Variants in MLLT3 observed in about 807,000 individuals in gnomAD.
MLLT3 encodes the protein MLLT3 super elongation complex subunit.
Under a neutral mutation model 53.2 loss-of-function variants are expected in MLLT3, and 4 were observed. The ratio of observed to expected loss-of-function variants is 0.08; its 90% confidence interval spans 0.04 to 0.17. MLLT3 has a LOEUF of 0.17. MLLT3 is among the 10% of genes least tolerant of loss of function. The pLI is 1.00. For missense variants in MLLT3, 569 were observed against 684.0 expected (o/e 0.83, Z 1.87); for synonymous variants, 283 against 230.6 (o/e 1.23, Z -2.06).
chr9:20,607,604 A>G (rs138705729), intron 2 of MLLT3, among the ~76,000 whole-genome samples: 13 of 152,120 alleles, frequency 8.5e-5, no homozygotes, highest in African/African-American at 2.9e-4. Flanking sequence ...TATTTCACAA[A>G]CATTCTAAGG....
intron 2 of MLLT3, among the ~76,000 whole-genome samples, chr9:20,527,155 C>T (rs1017683565): frequency 6.6e-6 from 1 of 151,724 alleles, no homozygotes; most frequent in East Asian, 1.9e-4. Context: ...TCTAGGAACA[C>T]AGAACAAGGA....
chr9:20,553,318 TA>T (rs1318829712), intron 2 of MLLT3, among the ~76,000 whole-genome samples: 1 of 152,198 alleles, frequency 6.6e-6, no homozygotes, highest in Non-Finnish European at 1.5e-5. Context: ...TAGAAGAGCT[TA>T]TATGCATATC....
chr9:20,567,811 G>C (rs1304898670), intron 2 of MLLT3, among the ~76,000 whole-genome samples: 1 of 152,112 alleles, frequency 6.6e-6, no homozygotes, highest in Non-Finnish European at 1.5e-5. Context: ...CTAACACTTG[G>C]CTTCTAACCC....
Position 20,345,135 on chromosome 9 carries a change from TACA to T in MLLT3, c.*1305_*1307del, listed in dbSNP as rs1438844002. 2 of 223,282 alleles carry T rather than the reference TACA, an allele frequency of 9.0e-6. No individual in the cohort carries two copies. The highest frequency in any genetic ancestry group is 2.2e-5 in the African/African-American group (1 of 44,796). 13.8% of individuals were successfully genotyped at this position (223,282 alleles called of 1,614,324 possible). A position where few individuals can be genotyped will look rare whatever the true frequency, so the allele number is the denominator to read the frequency against. On this transcript the variant is annotated 3_prime_UTR_variant, in exon 11 of 11. Transcript: ENST00000380338. ...CAGATTTCTAGTTTCAAAACAAGGG[TACA>T]ACAAGAACAAAAAAATCCCCCCATC...
At chr9:20,392,928 G>C (rs1822223534) in intron 5 of MLLT3, among the ~76,000 whole-genome samples, 2 of 152,098 alleles carry the variant, frequency 1.3e-5, no homozygotes, top group Admixed American at 6.6e-5. Flanking sequence ...GGCCAAAGCG[G>C]GTGGATCACC....
intron 2 of MLLT3, among the ~76,000 whole-genome samples, chr9:20,535,033 G>C (rs1237551456): frequency 2.0e-5 from 3 of 152,156 alleles, no homozygotes; most frequent in Non-Finnish European, 2.9e-5. Flanking sequence ...TTTTATAGCA[G>C]GGGTCCCCAA....
At chr9:20,461,197 A>G (rs530438358) in intron 2 of MLLT3, among the ~76,000 whole-genome samples, 1 of 152,346 alleles carries the variant, frequency 6.6e-6, no homozygotes, top group South Asian at 2.1e-4. Flanking sequence ...TTGTTTAAAA[A>G]GAAGTGTAAT....
At chr9:20,478,682 T>G (rs115381151) in intron 2 of MLLT3, among the ~76,000 whole-genome samples, 2,419 of 152,286 alleles carry the variant, frequency 0.016, 65 homozygotes, top group African/African-American at 0.055. Flanking sequence ...ATGACCTGGT[T>G]TAAATTCTAA....
intron 2 of MLLT3, among the ~76,000 whole-genome samples, chr9:20,602,232 CT>C (rs1464852433): frequency 1.3e-5 from 2 of 152,128 alleles, no homozygotes; most frequent in African/African-American, 4.8e-5. Context: ...TTAAGAATTA[CT>C]TTGCTTTCAG....
At chr9:20,524,593 A>G (rs972376967) in intron 2 of MLLT3, among the ~76,000 whole-genome samples, 1 of 152,178 alleles carries the variant, frequency 6.6e-6, no homozygotes, top group Non-Finnish European at 1.5e-5. Context: ...CCTGGGCTCT[A>G]GCAATTCTCC....
intron 5 of MLLT3, among the ~76,000 whole-genome samples, chr9:20,391,347 G>T (rs1822175223): frequency 6.6e-6 from 1 of 152,212 alleles, no homozygotes; most frequent in South Asian, 2.1e-4. Flanking sequence ...GGTGCCTGAA[G>T]ATTGTGATCA....
intron 2 of MLLT3, among the ~76,000 whole-genome samples, chr9:20,528,440 T>C (rs191337633): frequency 6.6e-6 from 1 of 152,338 alleles, no homozygotes; most frequent in East Asian, 1.9e-4. Flanking sequence ...ACCACAAACT[T>C]TGTGCTTTAA....
chr9:20,483,817 C>G (rs916582822), intron 2 of MLLT3, among the ~76,000 whole-genome samples: 7 of 148,942 alleles, frequency 4.7e-5, no homozygotes, highest in African/African-American at 1.7e-4. Context: ...ACGCCATTCT[C>G]CTGACTCAGC....
intron 4 of MLLT3, among the ~76,000 whole-genome samples, chr9:20,432,544 T>C (rs977531053): frequency 6.6e-6 from 1 of 152,094 alleles, no homozygotes; most frequent in Non-Finnish European, 1.5e-5. Context: ...GCAATACCCC[T>C]TTGTCCTAAT....
intron 2 of MLLT3, among the ~76,000 whole-genome samples, chr9:20,558,759 A>C: frequency 6.6e-6 from 1 of 152,196 alleles, no homozygotes; most frequent in Non-Finnish European, 1.5e-5. Context: ...CTGGAATATC[A>C]CTTAGCAAAT....
intron 8 of MLLT3, among the ~76,000 whole-genome samples, chr9:20,360,197 T>C (rs1054893068): frequency 2.6e-5 from 4 of 152,226 alleles, no homozygotes; most frequent in African/African-American, 9.6e-5. Flanking sequence ...CGAACACCTA[T>C]AATAATAAAC....
chr9:20,576,467 T>TA (rs1376442046), intron 2 of MLLT3, among the ~76,000 whole-genome samples: 1 of 152,188 alleles, frequency 6.6e-6, no homozygotes, highest in African/African-American at 2.4e-5. Context: ...CTAAGCTTAA[T>TA]AATTCTAGCT....
chr9:20,600,773 T>C (rs1278791281), intron 2 of MLLT3, among the ~76,000 whole-genome samples: 1 of 152,182 alleles, frequency 6.6e-6, no homozygotes, highest in Non-Finnish European at 1.5e-5. Flanking sequence ...CCTACCCCAG[T>C]GAACTATTTT....
At chr9:20,416,466 G>C (rs1006536106) in intron 4 of MLLT3, among the ~76,000 whole-genome samples, 1 of 152,014 alleles carries the variant, frequency 6.6e-6, no homozygotes, top group Non-Finnish European at 1.5e-5. Flanking sequence ...ATCCTTCCAT[G>C]ATATATTTTT....
Sources: allele counts gnomAD v4.1 joint callset (sites outside exome capture counted in the v4.1 genomes callset), GRCh38; gene constraint gnomAD v4.1.1; transcripts MANE v1.5; gene names NCBI Gene and HGNC (gene_info 2026-07-23, HGNC 2026-07-21).